The following SCN2A variants were observed in gnomAD, a reference collection of about 807,000 sequenced individuals.
The protein encoded by SCN2A is sodium channel protein type 2 subunit alpha.
Under a neutral mutation model 188.7 loss-of-function variants are expected in SCN2A, and 20 were observed. That is an observed-to-expected ratio of 0.11 (90% CI 0.07 to 0.15). The LOEUF is 0.15. Ranked by LOEUF, SCN2A falls within the 10% of genes least tolerant of loss-of-function variation. The probability of loss-of-function intolerance (pLI) is 1.00; values close to 1 mark genes in which losing one functional copy is unlikely to be tolerated. For missense variants in SCN2A, 1,278 were observed against 2,445.0 expected (o/e 0.52, Z 10.07); for synonymous variants, 804 against 833.1 (o/e 0.97, Z 0.60).
At chr2:165,319,867 A>G (rs1315867569) in intron 11 of SCN2A, among the ~76,000 whole-genome samples, 1 of 152,204 alleles carries the variant, frequency 6.6e-6, no homozygotes, top group Admixed American at 6.5e-5. Flanking sequence ...GGGGACACAG[A>G]GAAATCATGT....
intron 17 of SCN2A, among the ~76,000 whole-genome samples, chr2:165,364,744 G>T (rs553800544): frequency 6.6e-6 from 1 of 152,282 alleles, no homozygotes; most frequent in African/African-American, 2.4e-5. Flanking sequence ...ATACACTTGT[G>T]CAGCTTTCAT....
At position 165,391,652 on chromosome 2, in the gene SCN2A, G is replaced by T. The variant is rs1240436147; in HGVS notation, c.*1828G>T. 2.0e-5 allele frequency: 3 copies of T among 152,252 alleles called. No homozygotes were observed. The highest frequency in any genetic ancestry group is 7.3e-5 in the African/African-American group (3 of 41,334). The allele number at this position is 152,252 out of a possible 1,614,324, so 9.4% of individuals were successfully genotyped here. ...CAATAGTAATGCCTTATCATTGAAAGAGGCTTAAAGAAAAAAAAAATCAGC... is the reference window on the plus strand; with the variant it reads ...CAATAGTAATGCCTTATCATTGAAATAGGCTTAAAGAAAAAAAAAATCAGC... On this transcript the variant is annotated 3_prime_UTR_variant, in exon 27 of 27. Coordinates refer to ENST00000375437, the MANE Select transcript of SCN2A (RefSeq NM_001040142.2).
chr2:165,384,046 C>T lies in SCN2A; in HGVS notation c.4552-2700C>T, dbSNP rs150087028. On this transcript the variant is annotated intron_variant, in intron 25 of 26. Coordinates refer to ENST00000375437, the MANE Select transcript of SCN2A (RefSeq NM_001040142.2). ...AGATCGAAGACAGAGGGAATAATTA[C>T]GGCATAAAAATGCACAAGATGTGGG... Among the ~76,000 whole-genome samples the T allele has an allele frequency of 2.6e-3, 391 of 152,050 alleles. 12 individuals carry two copies. The highest frequency in any genetic ancestry group is 0.023 in the Admixed American group (351 of 15,234).
intron 1 of SCN2A, chr2:165,271,127 G>T (rs1217990814): frequency 2.6e-5 from 4 of 151,958 alleles, no homozygotes; most frequent in Non-Finnish European, 4.4e-5. Context: ...TTGCTGTCTT[G>T]GATTGCTTTT....
intron 5 of SCN2A, 48 bp from the exon 6 acceptor site, chr2:165,309,304 G>A: frequency 6.2e-7 from 1 of 1,613,458 alleles, no homozygotes; most frequent in Non-Finnish European, 8.5e-7. Flanking sequence ...ATCTCCAACT[G>A]TTTCTTGTGT....
In SCN2A at chr2:165,341,254, C is replaced by T. The variant is rs549531954; in HGVS notation, c.2389-1042C>T. Among the ~76,000 whole-genome samples, 38 of 152,166 alleles carry T rather than the reference C, an allele frequency of 2.5e-4. No individual in the cohort carries two copies. The South Asian group carries it at 6.0e-3, about 24-fold the overall frequency. ...GACTACAGGCGCCCGCCACCGCGCC[C>T]GGCTAATTTTTTGTATTTTTAGTAG... On this transcript the variant is annotated intron_variant, in intron 14 of 26. Transcript: ENST00000375437.
chr2:165,386,321 G>A (rs1415494853), intron 25 of SCN2A, among the ~76,000 whole-genome samples: 3 of 151,890 alleles, frequency 2.0e-5, no homozygotes, highest in Non-Finnish European at 2.9e-5. Context: ...AAAAGTAGTC[G>A]GGCATGGTGG....
At chr2:165,282,960 T>G (rs1158283484) in intron 1 of SCN2A, among the ~76,000 whole-genome samples, 1 of 152,226 alleles carries the variant, frequency 6.6e-6, no homozygotes, top group Non-Finnish European at 1.5e-5. Context: ...CCTGAGGAAC[T>G]TGACATTATT....
chr2:165,287,216 T>G (rs1695880999), intron 1 of SCN2A, among the ~76,000 whole-genome samples: 1 of 152,220 alleles, frequency 6.6e-6, no homozygotes, highest in African/African-American at 2.4e-5. Context: ...GTTTTATACA[T>G]TGGCCTAGTT....
At chr2:165,278,833 G>A (rs897411526) in intron 1 of SCN2A, among the ~76,000 whole-genome samples, 7 of 152,330 alleles carry the variant, frequency 4.6e-5, no homozygotes, top group Admixed American at 3.3e-4. Flanking sequence ...AGGAGGCTGA[G>A]ATGGGAGGAT....
At chr2:165,386,569 A>G (rs1277738771) in intron 25 of SCN2A, among the ~76,000 whole-genome samples, 177 bp from the exon 26 acceptor site, 1 of 152,112 alleles carries the variant, frequency 6.6e-6, no homozygotes, top group East Asian at 1.9e-4. Flanking sequence ...AAGGCAAGTT[A>G]CCTCAGCTCT....
intron 13 of SCN2A, 31 bp downstream of exon 13, chr2:165,327,015 T>C: frequency 6.2e-7 from 1 of 1,613,186 alleles, no homozygotes; most frequent in Non-Finnish European, 8.5e-7. Context: ...CACAGTTACT[T>C]GGTGCTTTGG....
chr2:165,362,627 A>G (rs942162138), intron 17 of SCN2A, among the ~76,000 whole-genome samples: 13 of 152,076 alleles, frequency 8.5e-5, no homozygotes, highest in Non-Finnish European at 1.5e-5. Context: ...GTATTGAACT[A>G]TATTGGTGTA....
chr2:165,382,144 A>G (rs889390823), intron 25 of SCN2A, among the ~76,000 whole-genome samples: 2 of 152,116 alleles, frequency 1.3e-5, no homozygotes, highest in South Asian at 2.1e-4. Flanking sequence ...GAGAAAATGT[A>G]TACTTCATAG....
chr2:165,284,244 C>T (rs972604453), intron 1 of SCN2A, among the ~76,000 whole-genome samples: 1 of 152,084 alleles, frequency 6.6e-6, no homozygotes, highest in Non-Finnish European at 1.5e-5. Flanking sequence ...GATCTCGGCT[C>T]ACTGCAAGCT....
At chr2:165,291,523 T>TC (rs1307518340) in intron 1 of SCN2A, among the ~76,000 whole-genome samples, 8 of 81,898 alleles carry the variant, frequency 9.8e-5, no homozygotes, top group South Asian at 5.0e-4. Flanking sequence ...TCCTCTCCTT[T>TC]CTTTCCTTCC....
chr2:165,338,329 G>A (rs572375110), intron 14 of SCN2A, among the ~76,000 whole-genome samples: 16 of 145,468 alleles, frequency 1.1e-4, no homozygotes, highest in Middle Eastern at 8.3e-3. Flanking sequence ...GTGCGATCTC[G>A]GCTCACTGCA....
rs140478285 is a variant in SCN2A at position 165,274,919 on chromosome 2, C to T, written c.-51-20854C>T. On this transcript the variant is annotated intron_variant, in intron 1 of 26. Transcript: ENST00000375437. ...AAGGACATAGAATGGCAGAGAGCTC[C>T]CCTTTATTTCTGGTATGATTGTTGC... Among the ~76,000 whole-genome samples the T allele has an allele frequency of 8.5e-5, 13 of 152,262 alleles. 1 individual carries two copies. Among genetic ancestry groups the T allele is most frequent in the African/African-American group, 3.1e-4 (13 of 41,556 alleles).
At chr2:165,312,906 C>T (rs188965512) in intron 8 of SCN2A, among the ~76,000 whole-genome samples, 191 of 152,214 alleles carry the variant, frequency 1.3e-3, no homozygotes, top group African/African-American at 4.3e-3. Context: ...TTGGCTCCTA[C>T]GATCAGTGCT....
Sources: allele counts gnomAD v4.1 joint callset (sites outside exome capture counted in the v4.1 genomes callset), GRCh38; gene constraint gnomAD v4.1.1; transcripts MANE v1.5; gene names NCBI Gene and HGNC (gene_info 2026-07-23, HGNC 2026-07-21).